Variants in BOP1 observed in about 807,000 individuals in gnomAD.
BOP1 encodes the protein BOP1 ribosomal biogenesis factor, also known as ribosome biogenesis protein BOP1.
A neutral mutation model predicts 82.9 loss-of-function variants in BOP1; 54 were observed. The observed-to-expected ratio is 0.65, with a 90% confidence interval of 0.52 to 0.82. BOP1 has a LOEUF of 0.82. Among genes scored for constraint, BOP1 ranks in the 40% least tolerant of loss-of-function variants. The pLI is 0.00. For synonymous variants in BOP1, 566 were observed against 451.1 expected, an observed-to-expected ratio of 1.25 and a Z score of -3.23; for missense variants, 1,170 against 1,072.0, an observed-to-expected ratio of 1.09 and a Z score of -1.28.
intron 3 of BOP1, chr8:144,266,006 G>T (rs919251202): frequency 1.3e-5 from 2 of 152,390 alleles, no homozygotes; most frequent in Non-Finnish European, 2.9e-5. Context: ...CAGGCGGAGA[G>T]ACTGAGCTCT....
At chr8:144,278,682 G>A (rs1430531073) in intron 2 of BOP1, among the ~76,000 whole-genome samples, 3 of 152,164 alleles carry the variant, frequency 2.0e-5, no homozygotes. Flanking sequence ...GGGTGCCAAG[G>A]ACACCAAGAC....
At chr8:144,273,365 G>C (rs931712618) in intron 3 of BOP1, among the ~76,000 whole-genome samples, 17 of 98,354 alleles carry the variant, frequency 1.7e-4, no homozygotes, top group African/African-American at 6.4e-4. Flanking sequence ...GAGCTGCCAG[G>C]CTGCACCCCA....
At chr8:144,270,905 G>A (rs1448213334) in intron 3 of BOP1, among the ~76,000 whole-genome samples, 14 of 152,264 alleles carry the variant, frequency 9.2e-5, no homozygotes, top group East Asian at 3.9e-4. Context: ...GGCTGGAAAC[G>A]CTCTGCTGGG....
At chr8:144,285,031 T>A (rs1814826172) in intron 2 of BOP1, among the ~76,000 whole-genome samples, 1 of 152,146 alleles carries the variant, frequency 6.6e-6, no homozygotes, top group African/African-American at 2.4e-5. Context: ...CGGGCCGGTC[T>A]GGGTTGGTTT....
intron 2 of BOP1, among the ~76,000 whole-genome samples, chr8:144,277,929 G>A (rs1276034205): frequency 8.1e-6 from 1 of 124,202 alleles, no homozygotes; most frequent in African/African-American, 2.6e-5. Context: ...AAAAATTAGA[G>A]GAAAAGGCCA....
chr8:144,266,712 G>T, intron 3 of BOP1: 1 of 1,212,782 alleles, frequency 8.2e-7, no homozygotes, highest in South Asian at 1.6e-5. Flanking sequence ...GCGACAGCTC[G>T]GGCTCCGACG....
At chr8:144,278,905 G>A (rs781787125) in intron 2 of BOP1, among the ~76,000 whole-genome samples, 1 of 152,238 alleles carries the variant, frequency 6.6e-6, no homozygotes, top group Non-Finnish European at 1.5e-5. Context: ...AGCAGGAACT[G>A]AAAAGCCCAG....
chr8:144,289,149 G>A lies in BOP1; in HGVS notation c.255C>T (p.Ala85=), dbSNP rs200244861. ...TCCCACTGTGGCCCTCGTCATCAAG[G>A]GCTCCGTCCTCTCCCTCCTCGTCGC... ...DEGDEEGEDG[A]LDDEGHSGIK... is the part of the protein sequence containing the mutation. The change falls in exon 2 of 16, where the codon GCC becomes GCT. Residue 85 remains alanine, a synonymous_variant. Transcript: ENST00000569669. The A allele has an allele frequency of 6.2e-7, 1 of 1,613,876 alleles. No homozygotes were observed. Among genetic ancestry groups the A allele is most frequent in the East Asian group, 2.2e-5 (1 of 44,872 alleles).
chr8:144,273,888 G>T (rs1431035210), intron 3 of BOP1, among the ~76,000 whole-genome samples: 3 of 152,206 alleles, frequency 2.0e-5, no homozygotes, highest in Non-Finnish European at 4.4e-5. Context: ...TGCTGCCTGC[G>T]CACCTGGGGG....
intron 2 of BOP1, among the ~76,000 whole-genome samples, chr8:144,277,378 G>A (rs1331426095): frequency 3.3e-5 from 5 of 152,216 alleles, no homozygotes; most frequent in African/African-American, 9.7e-5. Flanking sequence ...CCCCACAGCC[G>A]CAGCAGATCC....
chr8:144,271,056 G>T (rs1029336483), intron 3 of BOP1, among the ~76,000 whole-genome samples: 1 of 147,970 alleles, frequency 6.8e-6, no homozygotes, highest in South Asian at 2.2e-4. Flanking sequence ...TGACCCCTCC[G>T]GGTCAGGCCC....
At chr8:144,267,884 C>G (rs991293628) in intron 3 of BOP1, among the ~76,000 whole-genome samples, 1 of 152,228 alleles carries the variant, frequency 6.6e-6, no homozygotes, top group Non-Finnish European at 1.5e-5. Context: ...ACAGCACGCG[C>G]GAGCTCCTGG....
intron 2 of BOP1, among the ~76,000 whole-genome samples, chr8:144,288,384 C>T (rs1445403924): frequency 1.3e-5 from 2 of 151,646 alleles, no homozygotes; most frequent in Admixed American, 6.6e-5. Context: ...AAAAATTAGC[C>T]GGGCGTGATG....
chr8:144,269,725 C>T (rs902000248), intron 3 of BOP1, among the ~76,000 whole-genome samples: 45 of 152,192 alleles, frequency 3.0e-4, no homozygotes, highest in Admixed American at 2.9e-3. Flanking sequence ...ACTGCAGAAG[C>T]CTCCGCCCGC....
chr8:144,278,876 GT>G, intron 2 of BOP1, among the ~76,000 whole-genome samples: 1 of 152,340 alleles, frequency 6.6e-6, no homozygotes, highest in South Asian at 2.1e-4. Context: ...CCCACATTTT[GT>G]TTTAAAGAAA....
At chr8:144,273,743 G>GT (rs1845529362) in intron 3 of BOP1, among the ~76,000 whole-genome samples, 3 of 152,194 alleles carry the variant, frequency 2.0e-5, no homozygotes, top group Non-Finnish European at 4.4e-5. Flanking sequence ...GTGGGAGAGG[G>GT]GTGAGGTGGC....
intron 2 of BOP1, 129 bp downstream of exon 2, chr8:144,288,966 A>G: frequency 1.1e-6 from 1 of 949,138 alleles, no homozygotes; most frequent in Non-Finnish European, 1.6e-6. Context: ...CCCCAGGTGC[A>G]GTGAAGGAGG....
At position 144,266,836 on chromosome 8, in the gene BOP1, C is replaced by A. The variant is rs1371818907; in HGVS notation, c.391-1765G>T. The stretch of plus-strand genomic sequence containing the variant: ...AGGGGGCCGGCCAGGCCGTGAGCCC[C>A]GGCAGCGGCACACGGCGAACGCGCG... On this transcript the variant is annotated intron_variant, in intron 3 of 15. Coordinates refer to ENST00000569669, the MANE Select transcript of BOP1 (RefSeq NM_015201.5). 7,038 of 1,314,998 alleles carry A rather than the reference C, an allele frequency of 5.4e-3. 24 individuals carry two copies. The highest frequency in any genetic ancestry group is 6.6e-3 in the Non-Finnish European group (6,713 of 1,019,294). 81.5% of individuals were successfully genotyped at this position (1,314,998 alleles called of 1,614,324 possible). A position where few individuals can be genotyped will look rare whatever the true frequency, so the allele number is the denominator to read the frequency against.
At chr8:144,270,808 C>T (rs899182782) in intron 3 of BOP1, among the ~76,000 whole-genome samples, 3 of 152,140 alleles carry the variant, frequency 2.0e-5, no homozygotes, top group Non-Finnish European at 4.4e-5. Context: ...CCAGGGCTCC[C>T]TCCGCCTGTG....
Sources: gnomAD v4.1 joint callset for allele counts (sites outside exome capture counted in the v4.1 genomes callset) on GRCh38, gnomAD v4.1.1 for gene constraint, MANE v1.5 for transcripts, NCBI Gene and HGNC (gene_info 2026-07-23, HGNC 2026-07-21) for gene names.